The following FGD4 variants were observed in gnomAD, a reference collection of about 807,000 sequenced individuals.
The protein encoded by FGD4 is FYVE, RhoGEF and PH domain containing 4, also known as FYVE, RhoGEF and PH domain-containing protein 4.
In FGD4, 42 loss-of-function variants were observed where a neutral mutation model predicts 102.0. That is an observed-to-expected ratio of 0.41 (90% CI 0.32 to 0.53). The LOEUF is 0.53. Among genes scored for constraint, FGD4 ranks in the 20% least tolerant of loss-of-function variants. The probability of loss-of-function intolerance (pLI) is 0.21; values close to 1 mark genes in which losing one functional copy is unlikely to be tolerated. For missense variants in FGD4, 902 were observed against 1,078.2 expected (o/e 0.84, Z 2.29); for synonymous variants, 380 against 375.7 (o/e 1.01, Z -0.13).
intron 4 of FGD4, among the ~76,000 whole-genome samples, chr12:32,593,147 T>A (rs1284623643): frequency 6.6e-6 from 1 of 152,244 alleles, no homozygotes; most frequent in East Asian, 1.9e-4. Flanking sequence ...GTATGTGTGC[T>A]GTCTGTAAAA....
chr12:32,431,869 G>A (rs1942056758), intron 1 of FGD4, among the ~76,000 whole-genome samples: 1 of 151,772 alleles, frequency 6.6e-6, no homozygotes, highest in Non-Finnish European at 1.5e-5. Context: ...GAATTTTATG[G>A]TAAACCTGAA....
rs1400515381 is a variant in FGD4, at chr12:32,443,614, C to T, written c.166+43655C>T. On this transcript the variant is annotated intron_variant, in intron 1 of 16. Transcript: ENST00000534526. ...AGTGCAGTGGTGCGATCACAGCTCACTGTAGCCTCGAACTCCCAGGCTCAG... is the reference window on the plus strand; with the variant it reads ...AGTGCAGTGGTGCGATCACAGCTCATTGTAGCCTCGAACTCCCAGGCTCAG... Among the ~76,000 whole-genome samples, 4 of 148,948 alleles carry T rather than the reference C, an allele frequency of 2.7e-5. No individual in the cohort carries two copies. The East Asian group carries it at 8.0e-4, about 30-fold the overall frequency.
chr12:32,577,397 G>C (rs1256213268), intron 3 of FGD4, among the ~76,000 whole-genome samples: 1 of 152,092 alleles, frequency 6.6e-6, no homozygotes, highest in Non-Finnish European at 1.5e-5. Flanking sequence ...TTATTTATTT[G>C]TCGGATTTAC....
intron 1 of FGD4, among the ~76,000 whole-genome samples, chr12:32,485,003 G>T (rs929934303): frequency 6.6e-6 from 1 of 152,224 alleles, no homozygotes; most frequent in Admixed American, 6.5e-5. Context: ...CTATGCTCAA[G>T]TGATCCTCCT....
chr12:32,439,166 T>C (rs574808691), intron 1 of FGD4, among the ~76,000 whole-genome samples: 133 of 152,360 alleles, frequency 8.7e-4, no homozygotes, highest in African/African-American at 3.2e-3. Flanking sequence ...TATTCTACTC[T>C]CAACTTCTAT....
At chr12:32,410,774 G>A (rs1941172324) in intron 1 of FGD4, among the ~76,000 whole-genome samples, 2 of 152,132 alleles carry the variant, frequency 1.3e-5, no homozygotes, top group South Asian at 2.1e-4. Flanking sequence ...GAACCGCACT[G>A]AGCCTCAGTG....
intron 5 of FGD4, among the ~76,000 whole-genome samples, chr12:32,600,215 T>A (rs1380572465): frequency 6.6e-6 from 1 of 152,252 alleles, no homozygotes; most frequent in Admixed American, 6.5e-5. Flanking sequence ...TTATGGGAAT[T>A]ACAGACCTGA....
intron 1 of FGD4, among the ~76,000 whole-genome samples, chr12:32,413,968 G>C (rs563324517): frequency 6.0e-4 from 84 of 139,148 alleles, no homozygotes; most frequent in African/African-American, 2.3e-3. Flanking sequence ...GAGACCTTGA[G>C]GATACTTTTT....
chr12:32,466,867 CAAAAAA>C (rs35375727), intron 1 of FGD4, among the ~76,000 whole-genome samples: 3 of 62,804 alleles, frequency 4.8e-5, no homozygotes, highest in African/African-American at 1.2e-4. Context: ...GAGTCTGTCT[CAAAAAA>C]AAAAAAAAAA....
chr12:32,589,136 TGTAAA>T (rs2136498626), intron 4 of FGD4, among the ~76,000 whole-genome samples: 1 of 152,332 alleles, frequency 6.6e-6, no homozygotes, highest in East Asian at 1.9e-4. Context: ...ATGTACTAGT[TGTAAA>T]GTACTTTAGA....
At position 32,516,586 on chromosome 12, in the gene FGD4, C is replaced by T. The variant is rs150533184; in HGVS notation, c.167-47551C>T. Among the ~76,000 whole-genome samples, 36 of 152,310 alleles carry T rather than the reference C, an allele frequency of 2.4e-4. No individual in the cohort carries two copies. The East Asian group carries it at 6.4e-3, about 27-fold the overall frequency. The stretch of plus-strand genomic sequence containing the variant: ...AAGTTATCTGTTGTAAATATATATG[C>T]TTACATTGATGCATATGTAAACTGT... On this transcript the variant is annotated intron_variant, in intron 1 of 16. Coordinates refer to ENST00000534526, the MANE Select transcript of FGD4 (RefSeq NM_001370298.3).
intron 1 of FGD4, among the ~76,000 whole-genome samples, chr12:32,551,660 G>A (rs779441240): frequency 1.1e-4 from 16 of 152,122 alleles, no homozygotes; most frequent in Non-Finnish European, 1.8e-4. Context: ...CCAAACAGCC[G>A]AATGTCATGC....
At chr12:32,425,683 A>G (rs1941807028) in intron 1 of FGD4, among the ~76,000 whole-genome samples, 1 of 152,228 alleles carries the variant, frequency 6.6e-6, no homozygotes, top group Non-Finnish European at 1.5e-5. Flanking sequence ...TTTTCACGAT[A>G]GTGATTCTTC....
At chr12:32,588,306 C>T (rs954420820) in intron 4 of FGD4, among the ~76,000 whole-genome samples, 1 of 151,970 alleles carries the variant, frequency 6.6e-6, no homozygotes, top group Admixed American at 6.6e-5. Flanking sequence ...CAAGGCACCG[C>T]AGTAAATACA....
At chr12:32,519,119 G>GA (rs751377618) in intron 1 of FGD4, among the ~76,000 whole-genome samples, 18,627 of 72,336 alleles carry the variant, frequency 0.26, 2,234 homozygotes, top group Non-Finnish European at 0.33. Context: ...TCCGTCTCAG[G>GA]AAAAAAAAAA....
intron 4 of FGD4, among the ~76,000 whole-genome samples, chr12:32,584,490 A>G (rs1946848588): frequency 6.6e-6 from 1 of 152,186 alleles, no homozygotes; most frequent in Admixed American, 6.5e-5. Flanking sequence ...CTTGTCTATT[A>G]ACTAGCAGTA....
intron 10 of FGD4, among the ~76,000 whole-genome samples, chr12:32,619,172 T>C (rs1395530781): frequency 6.6e-6 from 1 of 152,220 alleles, no homozygotes; most frequent in Non-Finnish European, 1.5e-5. Flanking sequence ...ATCAATAAAA[T>C]ATGTATAAGC....
At chr12:32,625,854 C>CA in intron 14 of FGD4, 75 bp downstream of exon 14, 1 of 1,585,288 alleles carries the variant, frequency 6.3e-7, no homozygotes, top group East Asian at 2.2e-5. Context: ...TAGGGACACA[C>CA]AAAAAAATGA....
chr12:32,480,965 G>A (rs1281473850), intron 1 of FGD4, among the ~76,000 whole-genome samples: 4 of 150,970 alleles, frequency 2.6e-5, no homozygotes, highest in Admixed American at 2.0e-4. Flanking sequence ...GGCCACACCC[G>A]GCCAATGTAA....
Sources: allele counts gnomAD v4.1 joint callset (sites outside exome capture counted in the v4.1 genomes callset), GRCh38; gene constraint gnomAD v4.1.1; transcripts MANE v1.5; gene names NCBI Gene and HGNC (gene_info 2026-07-23, HGNC 2026-07-21).